Variants in NARS2 observed in about 807,000 individuals in gnomAD.
NARS2 encodes the protein asparaginyl-tRNA synthetase.
Under a neutral mutation model 62.9 loss-of-function variants are expected in NARS2, and 60 were observed. That is an observed-to-expected ratio of 0.95 (90% CI 0.77 to 1.18). The LOEUF (loss-of-function observed/expected upper bound fraction) is 1.18, where lower values mean the gene tolerates loss of function less well. Among genes scored for constraint, NARS2 ranks in the 50% most tolerant of loss-of-function variants. NARS2 has a pLI of 0.00. For missense variants in NARS2, 619 were observed against 576.4 expected (o/e 1.07, Z -0.76); for synonymous variants, 196 against 200.0 (o/e 0.98, Z 0.17).
chr11:78,553,333 G>A lies in NARS2; in HGVS notation c.594+6206C>T, dbSNP rs554824859. 3.3e-5 allele frequency among the ~76,000 whole-genome samples: 5 copies of A among 151,556 alleles called. 1 individual carries two copies. In the South Asian group the frequency reaches 6.3e-4, roughly 19 times the overall value. On this transcript the variant is annotated intron_variant, in intron 5 of 13. Transcript: ENST00000281038. ...AGACAAAATCTCGCTCTGTTACCTA[G>A]GCTAGAGTGCAGTGGCATGATTTCA... is the stretch of plus-strand genomic sequence containing the variant.
At chr11:78,572,273 G>A (rs759433803) in intron 1 of NARS2, among the ~76,000 whole-genome samples, 1 of 152,160 alleles carries the variant, frequency 6.6e-6, no homozygotes, top group Non-Finnish European at 1.5e-5. Flanking sequence ...ACTTTGTAAT[G>A]TGCTTCTATT....
Position 78,474,537 on chromosome 11 carries a change from T to C in NARS2, c.959+3901A>G, listed in dbSNP as rs114408226. On this transcript the variant is annotated intron_variant, in intron 9 of 13. Coordinates refer to ENST00000281038, the MANE Select transcript of NARS2 (RefSeq NM_024678.6). ...CTGAATCATGGTTCACTACCCTCAGTGACTGAAATAAATAGTGATATTAGC... is the reference window on the plus strand; with the variant it reads ...CTGAATCATGGTTCACTACCCTCAGCGACTGAAATAAATAGTGATATTAGC... Among the ~76,000 whole-genome samples the C allele has an allele frequency of 6.4e-3, 976 of 152,324 alleles. 11 individuals are homozygous for C. The highest frequency in any genetic ancestry group is 0.022 in the African/African-American group (922 of 41,566).
intron 7 of NARS2, among the ~76,000 whole-genome samples, chr11:78,483,300 C>T (rs1003063266): frequency 1.3e-5 from 2 of 152,132 alleles, no homozygotes; most frequent in South Asian, 2.1e-4. Flanking sequence ...ATGGGCAAAG[C>T]TGGAAGCATT....
At chr11:78,448,497 G>C (rs934482553) in intron 11 of NARS2, among the ~76,000 whole-genome samples, 1 of 151,882 alleles carries the variant, frequency 6.6e-6, no homozygotes, top group Non-Finnish European at 1.5e-5. Flanking sequence ...CACTATGTCG[G>C]CCAGGCTGGT....
intron 9 of NARS2, among the ~76,000 whole-genome samples, chr11:78,474,739 G>T (rs991858828): frequency 4.6e-5 from 7 of 152,182 alleles, no homozygotes; most frequent in Non-Finnish European, 8.8e-5. Flanking sequence ...TGACATCACA[G>T]AGGTAGTAGA....
chr11:78,506,965 C>G (rs1860524515), intron 6 of NARS2, among the ~76,000 whole-genome samples: 1 of 152,098 alleles, frequency 6.6e-6, no homozygotes, highest in Admixed American at 6.6e-5. Flanking sequence ...TTGCCCATAC[C>G]CCTCTCCCAG....
At chr11:78,471,210 A>G (rs1175342002) in intron 9 of NARS2, among the ~76,000 whole-genome samples, 1 of 152,204 alleles carries the variant, frequency 6.6e-6, no homozygotes, top group East Asian at 1.9e-4. Flanking sequence ...ACAGAAGGGA[A>G]GCAGAAGGTT....
chr11:78,528,094 G>C (rs887515853), intron 6 of NARS2, among the ~76,000 whole-genome samples: 1 of 152,108 alleles, frequency 6.6e-6, no homozygotes, highest in East Asian at 1.9e-4. Context: ...CAATTAGCCA[G>C]GTTTGGTGGT....
In NARS2 at chr11:78,452,518, C is replaced by T. The variant is rs560189748; in HGVS notation, c.1165-8760G>A. Among the ~76,000 whole-genome samples, 5 of 152,226 alleles carry T rather than the reference C, an allele frequency of 3.3e-5. No homozygotes were observed. The South Asian group carries it at 8.3e-4, about 25-fold the overall frequency. Reference sequence around the variant, plus strand: ...GACCTCCCAGGCTCAAGCAATCCTCCTAACTCAGCCTCTCTGAGTAGCTAA... The same window carrying T: ...GACCTCCCAGGCTCAAGCAATCCTCTTAACTCAGCCTCTCTGAGTAGCTAA... On this transcript the variant is annotated intron_variant, in intron 11 of 13. Coordinates refer to ENST00000281038, the MANE Select transcript of NARS2 (RefSeq NM_024678.6).
intron 11 of NARS2, among the ~76,000 whole-genome samples, chr11:78,457,509 A>C (rs1168147892): frequency 6.6e-6 from 1 of 152,244 alleles, no homozygotes; most frequent in East Asian, 1.9e-4. Flanking sequence ...AAATGGATTG[A>C]AAAGAAATGT....
intron 11 of NARS2, among the ~76,000 whole-genome samples, chr11:78,465,057 G>A (rs540609349): frequency 6.6e-6 from 1 of 152,212 alleles, no homozygotes; most frequent in Non-Finnish European, 1.5e-5. Flanking sequence ...CGACACAGGA[G>A]CCCACGGAGG....
At chr11:78,489,518 G>A (rs917597453) in intron 7 of NARS2, among the ~76,000 whole-genome samples, 2 of 152,072 alleles carry the variant, frequency 1.3e-5, no homozygotes, top group African/African-American at 4.8e-5. Context: ...CAGTCATTTT[G>A]GAAAACAGAT....
chr11:78,502,230 G>A (rs544434285), intron 6 of NARS2, among the ~76,000 whole-genome samples: 109 of 152,290 alleles, frequency 7.2e-4, no homozygotes, highest in African/African-American at 2.6e-3. Flanking sequence ...CAGACTGGGT[G>A]CCTTAAACAA....
At chr11:78,564,165 G>A (rs925943696) in intron 4 of NARS2, among the ~76,000 whole-genome samples, 2 of 151,502 alleles carry the variant, frequency 1.3e-5, no homozygotes, top group Admixed American at 6.6e-5. Flanking sequence ...CTCCCAAAGT[G>A]CTAGGATTAC....
intron 13 of NARS2, among the ~76,000 whole-genome samples, chr11:78,437,368 G>A (rs896959511): frequency 1.3e-5 from 2 of 152,162 alleles, no homozygotes; most frequent in Non-Finnish European, 2.9e-5. Context: ...ATTACATGAA[G>A]TTTTGTTTGA....
At chr11:78,559,204 G>A (rs577853047) in intron 5 of NARS2, among the ~76,000 whole-genome samples, 3 of 149,296 alleles carry the variant, frequency 2.0e-5, no homozygotes, top group African/African-American at 4.9e-5. Context: ...TCGGGAGGCC[G>A]AGGCAGGAGA....
chr11:78,457,797 AACAC>A (rs10556136), intron 11 of NARS2, among the ~76,000 whole-genome samples: 3,789 of 148,488 alleles, frequency 0.026, 127 homozygotes, highest in African/African-American at 0.079. Context: ...ATTATGTAAC[AACAC>A]ACACACACAC....
chr11:78,452,561 ACC>A (rs1479429657), intron 11 of NARS2, among the ~76,000 whole-genome samples: 1 of 152,026 alleles, frequency 6.6e-6, no homozygotes, highest in African/African-American at 2.4e-5. Context: ...GGCACAGGTT[ACC>A]ACACCAGGTT....
chr11:78,571,516 TA>T, intron 1 of NARS2, 72 bp from the exon 2 acceptor site: 2 of 989,202 alleles, frequency 2.0e-6, no homozygotes, highest in Non-Finnish European at 3.1e-6. Flanking sequence ...ACACACAGAC[TA>T]AATGAAAGTA....
Sources: gnomAD v4.1 joint callset for allele counts (sites outside exome capture counted in the v4.1 genomes callset) on GRCh38, gnomAD v4.1.1 for gene constraint, MANE v1.5 for transcripts, NCBI Gene and HGNC (gene_info 2026-07-23, HGNC 2026-07-21) for gene names.